PPP2R3A: variants seen among roughly 807,000 people sequenced by gnomAD.
PPP2R3A encodes protein phosphatase 2 regulatory subunit B''alpha, also known as serine/threonine-protein phosphatase 2A regulatory subunit B'' subunit alpha.
PPP2R3A carries 80 observed loss-of-function variants against 106.9 expected under a neutral mutation model. That is an observed-to-expected ratio of 0.75 (90% CI 0.62 to 0.90). The LOEUF is 0.90. PPP2R3A is among the 40% of genes least tolerant of loss of function. PPP2R3A has a pLI of 0.00. For synonymous variants in PPP2R3A, 483 were observed against 468.3 expected (o/e 1.03, Z -0.41); for missense variants, 1,386 against 1,350.4 (o/e 1.03, Z -0.41).
At chr3:136,041,238 G>GTTTTTTTTTTTTTTTTTTTT (rs67116006) in intron 4 of PPP2R3A, among the ~76,000 whole-genome samples, 7 of 92,894 alleles carry the variant, frequency 7.5e-5, no homozygotes, top group African/African-American at 2.3e-4. Context: ...GGTTTTTCTT[G>GTTTTTTTTTTTTTTTTTTTT]TTTTTTTTTT....
chr3:136,038,348 G>A (rs1935153433), intron 3 of PPP2R3A, among the ~76,000 whole-genome samples: 1 of 152,094 alleles, frequency 6.6e-6, no homozygotes, highest in African/African-American at 2.4e-5. Context: ...TTGCCTCTGG[G>A]TCATAATAAG....
intron 3 of PPP2R3A, among the ~76,000 whole-genome samples, chr3:136,038,285 C>A (rs1014125181): frequency 6.6e-6 from 1 of 152,124 alleles, no homozygotes; most frequent in Admixed American, 6.5e-5. Flanking sequence ...ATAGGCTGAC[C>A]TTTTCCAGTC....
chr3:136,005,362 G>T (rs184434904), intron 2 of PPP2R3A, among the ~76,000 whole-genome samples: 1 of 152,264 alleles, frequency 6.6e-6, no homozygotes, highest in Non-Finnish European at 1.5e-5. Flanking sequence ...GGGATACTCA[G>T]TCTGTATGTT....
At chr3:136,044,015 C>T (rs1935384405) in intron 4 of PPP2R3A, among the ~76,000 whole-genome samples, 1 of 152,192 alleles carries the variant, frequency 6.6e-6, no homozygotes. Flanking sequence ...TGTCATGTCT[C>T]TGCTGTTTTT....
chr3:136,031,719 G>A (rs1476130379), intron 3 of PPP2R3A, among the ~76,000 whole-genome samples: 1 of 152,152 alleles, frequency 6.6e-6, no homozygotes, highest in South Asian at 2.1e-4. Flanking sequence ...TCTCCTACAT[G>A]TGACTAGCCA....
rs1221888915 is a variant in PPP2R3A at position 136,082,509 on chromosome 3, A to C, written c.2788+88A>C. On this transcript the variant is annotated intron_variant, in intron 8 of 13. Transcript: ENST00000264977. ...TCATTATGAGAAATTCCCGTTTGCTAAATTCTAAACCTAATCAAGTCCTCT... is the reference window on the plus strand; with the variant it reads ...TCATTATGAGAAATTCCCGTTTGCTCAATTCTAAACCTAATCAAGTCCTCT... 14 of 1,464,364 alleles carry C rather than the reference A, an allele frequency of 9.6e-6. No homozygotes were observed. In the African/African-American group the frequency reaches 1.7e-4, roughly 18 times the overall value. The allele number at this position is 1,464,364 out of a possible 1,614,324, so 90.7% of individuals were successfully genotyped here.
intron 13 of PPP2R3A, among the ~76,000 whole-genome samples, chr3:136,140,461 A>C (rs867226886): frequency 0.031 from 4,659 of 150,404 alleles, 249 homozygotes; most frequent in African/African-American, 0.11. Context: ...AAAAAAAAAA[A>C]AAACCCGGGC....
At chr3:135,985,997 A>G (rs768831792) in intron 1 of PPP2R3A, among the ~76,000 whole-genome samples, 26 of 152,162 alleles carry the variant, frequency 1.7e-4, no homozygotes, top group Non-Finnish European at 2.9e-4. Flanking sequence ...AACTCAGAGC[A>G]GAGGATTTTT....
chr3:136,117,393 T>C (rs1937809157), intron 13 of PPP2R3A, among the ~76,000 whole-genome samples: 2 of 151,872 alleles, frequency 1.3e-5, no homozygotes, highest in South Asian at 4.1e-4. Context: ...AGAGCAGAAC[T>C]GAAAGAGATA....
chr3:135,970,261 C>T (rs1372488502), intron 1 of PPP2R3A, among the ~76,000 whole-genome samples: 3 of 152,126 alleles, frequency 2.0e-5, no homozygotes, highest in Non-Finnish European at 4.4e-5. Flanking sequence ...GAAGTGGCCA[C>T]AGAGGTACAG....
chr3:136,138,277 G>T (rs1309791786), intron 13 of PPP2R3A, among the ~76,000 whole-genome samples: 1 of 152,086 alleles, frequency 6.6e-6, no homozygotes, highest in African/African-American at 2.4e-5. Flanking sequence ...CAGGCACTGT[G>T]CTTGGTAATA....
At chr3:136,053,380 T>G (rs1300712514) in intron 5 of PPP2R3A, among the ~76,000 whole-genome samples, 2 of 150,786 alleles carry the variant, frequency 1.3e-5, no homozygotes, top group Non-Finnish European at 3.0e-5. Context: ...GAAAAAAAAA[T>G]AAGTGACCAG....
chr3:136,053,541 A>G (rs1390707149), intron 5 of PPP2R3A, among the ~76,000 whole-genome samples: 1 of 152,198 alleles, frequency 6.6e-6, no homozygotes. Flanking sequence ...GATTCACTGA[A>G]GGTCGGTATA....
intron 1 of PPP2R3A, among the ~76,000 whole-genome samples, chr3:135,979,594 C>T (rs1379616468): frequency 6.6e-6 from 1 of 151,724 alleles, no homozygotes; most frequent in African/African-American, 2.4e-5. Context: ...TTTTAAAAGG[C>T]TAACAAGTTT....
chr3:136,122,819 A>C (rs948316929), intron 13 of PPP2R3A, among the ~76,000 whole-genome samples: 2 of 152,230 alleles, frequency 1.3e-5, no homozygotes, highest in African/African-American at 4.8e-5. Context: ...AAAAGAATAC[A>C]TCAGAAGTAA....
At position 136,003,175 on chromosome 3, in the gene PPP2R3A, A is replaced by G. The variant is rs759604592; in HGVS notation, c.1677A>G (p.Lys559=). The G allele has an allele frequency of 6.2e-7, 1 of 1,613,674 alleles. No homozygotes were observed. The highest frequency in any genetic ancestry group is 1.1e-5 in the South Asian group (1 of 91,044). ...QTLVDLEPKS[K]VSSPIEKVSP... ...TTGTAGATCTTGAGCCTAAATCTAA[A>G]GTCTCTTCACCCATAGAAAAAGTCT... Residue 559 remains lysine, a synonymous_variant, in exon 2 of 14, where the codon AAA becomes AAG. Coordinates refer to ENST00000264977, the MANE Select transcript of PPP2R3A (RefSeq NM_002718.5).
intron 13 of PPP2R3A, among the ~76,000 whole-genome samples, chr3:136,144,824 A>C (rs1559946212): frequency 6.6e-6 from 1 of 152,168 alleles, no homozygotes; most frequent in South Asian, 2.1e-4. Flanking sequence ...CATTTTCAAC[A>C]AATTCTGACA....
At chr3:136,144,713 A>G (rs1477640455) in intron 13 of PPP2R3A, among the ~76,000 whole-genome samples, 1 of 152,288 alleles carries the variant, frequency 6.6e-6, no homozygotes, top group East Asian at 1.9e-4. Flanking sequence ...AATAAGGTCA[A>G]GTAATGCTCA....
intron 7 of PPP2R3A, among the ~76,000 whole-genome samples, chr3:136,081,262 AT>A (rs967091857): frequency 2.6e-5 from 4 of 152,178 alleles, no homozygotes; most frequent in African/African-American, 7.2e-5. Flanking sequence ...AAGTGCTGGG[AT>A]TACAGGCATG....
Sources: gnomAD v4.1 joint callset for allele counts (sites outside exome capture counted in the v4.1 genomes callset) on GRCh38, gnomAD v4.1.1 for gene constraint, MANE v1.5 for transcripts, NCBI Gene and HGNC (gene_info 2026-07-23, HGNC 2026-07-21) for gene names.